DCBLD2: variants seen among roughly 807,000 people sequenced by gnomAD.
DCBLD2 encodes the protein discoidin, CUB and LCCL domain-containing protein 2.
Under a neutral mutation model 86.8 loss-of-function variants are expected in DCBLD2, and 54 were observed. That is an observed-to-expected ratio of 0.62 (90% CI 0.50 to 0.78). DCBLD2 has a LOEUF of 0.78. Ranked by LOEUF, DCBLD2 falls within the 30% of genes least tolerant of loss-of-function variation. The pLI is 0.00. For synonymous variants in DCBLD2, 354 were observed against 341.3 expected, an observed-to-expected ratio of 1.04 and a Z score of -0.41; for missense variants, 908 against 954.2, an observed-to-expected ratio of 0.95 and a Z score of 0.64.
intron 13 of DCBLD2, among the ~76,000 whole-genome samples, chr3:98,807,138 TG>T (rs1941855364): frequency 6.6e-6 from 1 of 152,198 alleles, no homozygotes; most frequent in Non-Finnish European, 1.5e-5. Flanking sequence ...AGGCCCAGAC[TG>T]AACCTCTATG....
intron 10 of DCBLD2, 89 bp from the exon 11 acceptor site, chr3:98,811,643 A>G: frequency 1.7e-6 from 2 of 1,188,974 alleles, no homozygotes; most frequent in South Asian, 3.4e-5. Context: ...AATATTTCCT[A>G]AAGTATTTAA....
chr3:98,878,416 C>T (rs543763735), intron 2 of DCBLD2, among the ~76,000 whole-genome samples: 17 of 152,204 alleles, frequency 1.1e-4, no homozygotes, highest in Non-Finnish European at 1.9e-4. Flanking sequence ...ATGTGAACAT[C>T]AGAAACACAG....
At chr3:98,866,762 C>T (rs377326641) in intron 2 of DCBLD2, among the ~76,000 whole-genome samples, 29 of 151,770 alleles carry the variant, frequency 1.9e-4, no homozygotes, top group Middle Eastern at 3.4e-3. Context: ...TTTGGTGTTT[C>T]AGACATGAAG....
At position 98,859,623 on chromosome 3, in the gene DCBLD2, G is replaced by A. The variant is rs142617503; in HGVS notation, c.434-10025C>T. On this transcript the variant is annotated intron_variant, in intron 2 of 15. Transcript: ENST00000326840. ...GATACCCAGGCAAACAGGGTCTGGA[G>A]TGGACCTCCAGAAAACTCCAACAGA... 9.6e-3 allele frequency among the ~76,000 whole-genome samples: 1,460 copies of A among 152,338 alleles called. 19 individuals carry two copies. Among genetic ancestry groups the A allele is most frequent in the Admixed American group, 0.016 (252 of 15,308 alleles).
At chr3:98,862,608 C>A (rs7373983) in intron 2 of DCBLD2, among the ~76,000 whole-genome samples, 148,013 of 152,326 alleles carry the variant, frequency 0.97, 72,072 homozygotes, top group East Asian at 1. Flanking sequence ...AACAGAACCA[C>A]ATACAAAAAC....
chr3:98,814,667 G>A (rs1005955929), intron 9 of DCBLD2: 1 of 152,134 alleles, frequency 6.6e-6, no homozygotes, highest in Admixed American at 6.5e-5. Context: ...GCGTACTCAT[G>A]CACATGTGCA....
Position 98,866,159 on chromosome 3 carries a change from G to A in DCBLD2, c.433+15381C>T, listed in dbSNP as rs1325134867. 8.5e-4 allele frequency among the ~76,000 whole-genome samples: 128 copies of A among 150,964 alleles called. 1 individual carries two copies. Among genetic ancestry groups the A allele is most frequent in the African/African-American group, 2.3e-3 (96 of 41,370 alleles). On this transcript the variant is annotated intron_variant, in intron 2 of 15. Transcript: ENST00000326840. ...AGTCTTTGCTATTGTGAATAGTGCC[G>A]CAATAAACAGACGTGTGCATGTGTC...
At position 98,849,545 on chromosome 3, in the gene DCBLD2, T is replaced by C. The variant is rs1231029436; in HGVS notation, c.487A>G (p.Asn163Asp). ...CTCATGAACAGCAATGTGATTTCAT[T>C]GCCTTTTGATTCAATTGAATGGTTC... ...QMNHSIESKG[N>D]EITLLFMSGI... The change falls in exon 3 of 16, where the codon AAT (asparagine) becomes GAT (aspartate). Residue 163 changes from asparagine (N) to aspartate (D), a missense_variant. Transcript: ENST00000326840. 6 of 1,613,932 alleles carry C rather than the reference T, an allele frequency of 3.7e-6. No individual in the cohort carries two copies. The highest frequency in any genetic ancestry group is 5.1e-6 in the Non-Finnish European group (6 of 1,179,830).
rs754190694 is a variant in DCBLD2 at position 98,819,397 on chromosome 3, T to C, written c.892A>G (p.Met298Val). Reference protein sequence around the residue: ...KTSGCYGTLGMESGVIADPQI... With the variant: ...KTSGCYGTLGVESGVIADPQI... ...GGATCCGCGATCACACCAGACTCCA[T>C]CCCCAGTGTTCCATAACATCCTGAA... is the stretch of plus-strand genomic sequence containing the variant. Residue 298 changes from methionine (M) to valine (V), a missense_variant, in exon 8 of 16, where the codon ATG (methionine) becomes GTG (valine). Transcript: ENST00000326840. The C allele has an allele frequency of 1.9e-5, 31 of 1,613,724 alleles. No homozygotes were observed. The highest frequency in any genetic ancestry group is 2.6e-5 in the Non-Finnish European group (31 of 1,179,710).
chr3:98,893,530 G>A (rs1943698474), intron 1 of DCBLD2, among the ~76,000 whole-genome samples: 1 of 152,114 alleles, frequency 6.6e-6, no homozygotes, highest in Non-Finnish European at 1.5e-5. Flanking sequence ...TTTATTGCAA[G>A]GGTTAAAAAA....
chr3:98,894,522 G>A (rs1265940106), intron 1 of DCBLD2, among the ~76,000 whole-genome samples: 1 of 152,138 alleles, frequency 6.6e-6, no homozygotes, highest in Non-Finnish European at 1.5e-5. Flanking sequence ...CTAAGAAGTA[G>A]GCATGTCTAT....
rs113473444 is a variant in DCBLD2, at chr3:98,831,118, G to A, written c.572-5752C>T. On this transcript the variant is annotated intron_variant, in intron 3 of 15. Coordinates refer to ENST00000326840, the MANE Select transcript of DCBLD2 (RefSeq NM_080927.4). ...GTCTTGCTCTGTTGCCCAGGCTGGA[G>A]TGCAGTGCAGTGGTGTGATCTTGGC... 1.3e-3 allele frequency among the ~76,000 whole-genome samples: 196 copies of A among 151,280 alleles called. 1 individual carries two copies. In the East Asian group the frequency reaches 0.016, roughly 13 times the overall value.
At chr3:98,848,892 G>A (rs947903331) in intron 3 of DCBLD2, among the ~76,000 whole-genome samples, 23 of 152,032 alleles carry the variant, frequency 1.5e-4, no homozygotes, top group African/African-American at 5.1e-4. Flanking sequence ...ATTATAGGCC[G>A]GGTGCAGTAG....
intron 9 of DCBLD2, 151 bp from the exon 10 acceptor site, chr3:98,812,633 T>C: frequency 1.7e-6 from 1 of 597,108 alleles, no homozygotes. Flanking sequence ...AAAATAATCA[T>C]AATTTGGAAA....
chr3:98,829,208 A>G (rs941879518), intron 3 of DCBLD2, among the ~76,000 whole-genome samples: 2 of 152,164 alleles, frequency 1.3e-5, no homozygotes, highest in African/African-American at 4.8e-5. Flanking sequence ...GGTTTGTTAC[A>G]TAGGTATACT....
At chr3:98,887,191 G>GT (rs3073399) in intron 1 of DCBLD2, among the ~76,000 whole-genome samples, 91,092 of 151,200 alleles carry the variant, frequency 0.6, 27,938 homozygotes, top group African/African-American at 0.68. Context: ...AGTTTTCAAG[G>GT]TTTTTTTTGG....
At chr3:98,859,945 G>A (rs1943009634) in intron 2 of DCBLD2, among the ~76,000 whole-genome samples, 1 of 152,210 alleles carries the variant, frequency 6.6e-6, no homozygotes, top group Non-Finnish European at 1.5e-5. Context: ...GAAGAAGTTT[G>A]AACACAACAC....
At chr3:98,833,177 C>A (rs893029197) in intron 3 of DCBLD2, among the ~76,000 whole-genome samples, 10 of 152,100 alleles carry the variant, frequency 6.6e-5, no homozygotes, top group African/African-American at 2.2e-4. Flanking sequence ...TTTCAGAGAG[C>A]CAGTCTTCAA....
intron 13 of DCBLD2, among the ~76,000 whole-genome samples, chr3:98,807,039 A>G (rs1941852831): frequency 6.6e-6 from 1 of 152,112 alleles, no homozygotes; most frequent in Non-Finnish European, 1.5e-5. Flanking sequence ...TCATCTGACA[A>G]TATCACCTCT....
Sources: gnomAD v4.1 joint callset for allele counts (sites outside exome capture counted in the v4.1 genomes callset) on GRCh38, gnomAD v4.1.1 for gene constraint, MANE v1.5 for transcripts, NCBI Gene and HGNC (gene_info 2026-07-23, HGNC 2026-07-21) for gene names.